Variants in RASSF3 observed in about 807,000 individuals in gnomAD.
RASSF3 encodes the protein Ras association domain family member 3, also known as ras association domain-containing protein 3.
RASSF3 carries 19 observed loss-of-function variants against 19.9 expected under a neutral mutation model. The ratio of observed to expected loss-of-function variants is 0.96; its 90% CI spans 0.67 to 1.40. The LOEUF is 1.40. Among genes scored for constraint, RASSF3 ranks in the 40% most tolerant of loss-of-function variants. The probability of loss-of-function intolerance (pLI) is 0.00; values close to 1 mark genes in which losing one functional copy is unlikely to be tolerated. For missense variants in RASSF3, 306 were observed against 289.8 expected, an observed-to-expected ratio of 1.06 and a Z score of -0.41; for synonymous variants, 110 against 104.2, an observed-to-expected ratio of 1.06 and a Z score of -0.34.
At chr12:64,615,938 G>A (rs944890797) in intron 1 of RASSF3, among the ~76,000 whole-genome samples, 5 of 152,114 alleles carry the variant, frequency 3.3e-5, no homozygotes, top group African/African-American at 1.2e-4. Flanking sequence ...GCCTCCCACA[G>A]TGCTAGGATT....
chr12:64,655,453 G>T (rs955462471), intron 1 of RASSF3, among the ~76,000 whole-genome samples: 1 of 152,078 alleles, frequency 6.6e-6, no homozygotes, highest in African/African-American at 2.4e-5. Context: ...CTCCTGAAAT[G>T]CATAACATAC....
chr12:64,648,456 G>A (rs1426038492), intron 1 of RASSF3, among the ~76,000 whole-genome samples: 1 of 152,082 alleles, frequency 6.6e-6, no homozygotes, highest in Non-Finnish European at 1.5e-5. Context: ...GAGGCTCCCG[G>A]CTAGAGCTCT....
At chr12:64,682,201 G>A (rs1483179953) in intron 1 of RASSF3, among the ~76,000 whole-genome samples, 2 of 152,120 alleles carry the variant, frequency 1.3e-5, no homozygotes, top group African/African-American at 4.8e-5. Flanking sequence ...TCTTGTGCTG[G>A]TATTTATCCA....
chr12:64,574,324 AAG>A (rs1312924049), intron 2 of RASSF3, among the ~76,000 whole-genome samples: 2 of 152,012 alleles, frequency 1.3e-5, no homozygotes, highest in African/African-American at 4.8e-5. Context: ...AAAAAAAAAA[AAG>A]AAATATTTGA....
chr12:64,685,163 T>C (rs979091650), intron 2 of RASSF3, among the ~76,000 whole-genome samples: 3 of 147,468 alleles, frequency 2.0e-5, no homozygotes, highest in Non-Finnish European at 4.5e-5. Context: ...GACCCACCCC[T>C]CCCTCCTCAA....
intron 4 of RASSF3, among the ~76,000 whole-genome samples, chr12:64,692,779 G>A (rs761089626): frequency 2.6e-5 from 4 of 152,178 alleles, no homozygotes; most frequent in South Asian, 4.2e-4. Flanking sequence ...GTCTCACTAC[G>A]TTGCCCAAGC....
chr12:64,526,760 G>C (rs1447035057), intron 1 of RASSF3, among the ~76,000 whole-genome samples: 1 of 152,070 alleles, frequency 6.6e-6, no homozygotes, highest in Non-Finnish European at 1.5e-5. Context: ...TGCACAGGCT[G>C]GTCTTGAACT....
chr12:64,584,763 C>T (rs1201400291), intron 2 of RASSF3, among the ~76,000 whole-genome samples: 1 of 151,890 alleles, frequency 6.6e-6, no homozygotes, highest in Non-Finnish European at 1.5e-5. Flanking sequence ...TGGGAAGCAT[C>T]CAACCCTTAG....
chr12:64,579,380 CTCTG>C (rs1289544444), intron 2 of RASSF3, among the ~76,000 whole-genome samples: 1 of 125,266 alleles, frequency 8.0e-6, no homozygotes. Flanking sequence ...CGGAGTCTCT[CTCTG>C]TCTGTCGCCC....
chr12:64,621,472 C>A (rs908093963), intron 1 of RASSF3, among the ~76,000 whole-genome samples: 7 of 152,030 alleles, frequency 4.6e-5, no homozygotes, highest in African/African-American at 1.4e-4. Flanking sequence ...AAGGATATTA[C>A]ATATTCAGGC....
At chr12:64,564,850 G>A (rs1433270373) in intron 2 of RASSF3, among the ~76,000 whole-genome samples, 11 of 150,634 alleles carry the variant, frequency 7.3e-5, no homozygotes, top group Non-Finnish European at 1.3e-4. Context: ...GTGCAATCTC[G>A]GCTCACTGCA....
At position 64,656,669 on chromosome 12, in the gene RASSF3, A is replaced by AT. The variant is rs1243515754; in HGVS notation, c.112-28117dup. Among the ~76,000 whole-genome samples the AT allele has an allele frequency of 4.6e-5, 7 of 152,310 alleles. No individual in the cohort carries two copies. The East Asian group carries it at 5.8e-4, about 13-fold the overall frequency. On this transcript the variant is annotated intron_variant, in intron 1 of 4. Coordinates refer to ENST00000542104, the MANE Select transcript of RASSF3 (RefSeq NM_178169.4). ...CAAGCCTGAGTCTATAAACTCAGAG[A>AT]TAAAAAAAATCACACCAGGCTGAAG... is the stretch of plus-strand genomic sequence containing the variant.
intron 2 of RASSF3, among the ~76,000 whole-genome samples, chr12:64,555,662 T>C (rs1869244361): frequency 6.6e-6 from 1 of 151,386 alleles, no homozygotes; most frequent in Non-Finnish European, 1.5e-5. Context: ...GGCAGGAGAA[T>C]GGTGTAAAGC....
At chr12:64,643,606 T>C (rs905717061) in intron 1 of RASSF3, among the ~76,000 whole-genome samples, 1 of 151,758 alleles carries the variant, frequency 6.6e-6, no homozygotes, top group Non-Finnish European at 1.5e-5. Flanking sequence ...CAAAACAGCA[T>C]GTATAATGTA....
intron 1 of RASSF3, chr12:64,622,406 G>A (rs1369762890): frequency 7.8e-6 from 4 of 511,244 alleles, no homozygotes; most frequent in South Asian, 1.5e-5. Flanking sequence ...AAAAAGGATG[G>A]TAGGACAAAC....
chr12:64,689,220 GGTGT>G (rs10688391), intron 3 of RASSF3, among the ~76,000 whole-genome samples: 102 of 147,530 alleles, frequency 6.9e-4, no homozygotes, highest in Middle Eastern at 6.9e-3. Flanking sequence ...TTGAAATCGG[GGTGT>G]GTGTGTGTGT....
chr12:64,649,224 G>A (rs1332571018), intron 1 of RASSF3, among the ~76,000 whole-genome samples: 2 of 150,268 alleles, frequency 1.3e-5, no homozygotes, highest in Admixed American at 1.3e-4. Context: ...ATGGAGTCTC[G>A]CTCTGTCGCC....
intron 1 of RASSF3, among the ~76,000 whole-genome samples, chr12:64,625,058 T>C (rs936900177): frequency 7.2e-5 from 11 of 152,054 alleles, no homozygotes; most frequent in Admixed American, 1.3e-4. Context: ...CTGACAGTGG[T>C]TGAGAGATTT....
intron 1 of RASSF3, among the ~76,000 whole-genome samples, chr12:64,626,513 AAAG>A (rs1293283490): frequency 6.6e-6 from 1 of 151,874 alleles, no homozygotes; most frequent in East Asian, 1.9e-4. Context: ...AAAGAAAAAA[AAAG>A]AAAAAGATTA....
Sources: allele counts gnomAD v4.1 joint callset (sites outside exome capture counted in the v4.1 genomes callset), GRCh38; gene constraint gnomAD v4.1.1; transcripts MANE v1.5; gene names NCBI Gene and HGNC (gene_info 2026-07-23, HGNC 2026-07-21).